ZNF91: variants seen among roughly 807,000 people sequenced by gnomAD.
ZNF91 encodes the protein zinc finger protein 91 (HPF7, HTF10).
Under a neutral mutation model 12.6 loss-of-function variants are expected in ZNF91, and 7 were observed. The observed-to-expected ratio is 0.55, with a 90% CI of 0.31 to 1.04. ZNF91 has a LOEUF of 1.04. Ranked by LOEUF, ZNF91 falls within the 50% of genes least tolerant of loss-of-function variation. The pLI is 0.05. For missense variants in ZNF91, 1,217 were observed against 1,385.4 expected, an observed-to-expected ratio of 0.88 and a Z score of 1.93; for synonymous variants, 453 against 462.6, an observed-to-expected ratio of 0.98 and a Z score of 0.27.
rs750976691 is a variant in ZNF91 at position 23,361,043 on chromosome 19, C to A, written c.1936G>T (p.Ala646Ser). 2 of 1,589,508 alleles carry A rather than the reference C, an allele frequency of 1.3e-6. No homozygotes were observed. The highest frequency in any genetic ancestry group is 1.7e-6 in the Non-Finnish European group (2 of 1,166,524). Residue 646 changes from alanine to serine, a missense_variant, in exon 4 of 4, where the codon GCT (alanine) becomes TCT (serine). This residue lies in a region of ZNF91 where 726 missense variants were observed against 895.5 expected (regional missense o/e 0.81). Transcript: ENST00000300619. ...GKAFSHSSALAKHKRIHTGEK... is the reference protein window; with the variant it reads ...GKAFSHSSALSKHKRIHTGEK... Reference sequence around the variant, plus strand: ...CCAGTATGAATTCTCTTATGTTTAGCAAGGGCTGAAGAATGGCTAAAAGCT... The same window carrying A: ...CCAGTATGAATTCTCTTATGTTTAGAAAGGGCTGAAGAATGGCTAAAAGCT...
upstream of ZNF91, among the ~76,000 whole-genome samples, chr19:23,313,119 G>A (rs1200016533): frequency 6.6e-6 from 1 of 152,224 alleles, no homozygotes; most frequent in African/African-American, 2.4e-5. Context: ...TATATGAGGT[G>A]TTAACTCACA....
intron 1 of ZNF91, among the ~76,000 whole-genome samples, chr19:23,309,983 C>A (rs1336419462): frequency 6.6e-6 from 1 of 152,164 alleles, no homozygotes; most frequent in Non-Finnish European, 1.5e-5. Flanking sequence ...TTGTGACATT[C>A]ATTTGTGAAT....
rs556749990 is a variant in ZNF91, at chr19:23,359,115, G to A, written c.*288C>T. 7 of 559,744 alleles carry A rather than the reference G, an allele frequency of 1.3e-5. No homozygotes were observed. The highest frequency in any genetic ancestry group is 7.5e-5 in the African/African-American group (4 of 52,994). The allele number at this position is 559,744 out of a possible 1,614,324, so 34.7% of individuals were successfully genotyped here. On this transcript the variant is annotated 3_prime_UTR_variant, in exon 4 of 4. Coordinates refer to ENST00000300619, the MANE Select transcript of ZNF91 (RefSeq NM_003430.4). ...AGGATTTGCCACATTCTTCACATTT[G>A]TAGAGTTTTACTCCAGTATGAATTA...
chr19:23,362,082 A>G lies in ZNF91; in HGVS notation c.897T>C (p.Cys299=). 6.2e-7 allele frequency: 1 copy of G among 1,614,066 alleles called. No individual in the cohort carries two copies. The highest frequency in any genetic ancestry group is 1.7e-4 in the Middle Eastern group (1 of 6,060). ...TTGAAGAATGGCTAAAAGCTTTGCC[A>G]CATTCTTCACATTTGTAGGGTTTCT... The part of the protein sequence containing the change: ...TGEKPYKCEE[C]GKAFSHSSTL... Residue 299 remains cysteine, a synonymous_variant, in exon 4 of 4, where the codon TGT becomes TGC. Coordinates refer to ENST00000300619, the MANE Select transcript of ZNF91 (RefSeq NM_003430.4).
Position 23,373,815 on chromosome 19 carries a change from G to A in ZNF91, c.180C>T (p.Asp60=), listed in dbSNP as rs1294045505. 1.2e-6 allele frequency: 2 copies of A among 1,609,944 alleles called. No homozygotes were observed. Among genetic ancestry groups the A allele is most frequent in the Non-Finnish European group, 1.7e-6 (2 of 1,177,882 alleles). ...AFLGIALSKP[D]LITYLEQGKE... ...TTCCTTGCTCCAGATAAGTAATCAG[G>A]TCTGGCTTAGAGAGAGCAATACCTG... Residue 60 remains aspartate, a synonymous_variant, in exon 3 of 4, where the codon GAC becomes GAT. Transcript: ENST00000300619.
downstream of ZNF91, chr19:23,338,190 ACAGACATC>A (rs1463331415): frequency 6.6e-5 from 10 of 152,184 alleles, no homozygotes; most frequent in Admixed American, 6.5e-4. Flanking sequence ...ATATTGCAAA[ACAGACATC>A]ATAATGGCAC....
At chr19:23,366,673 C>T (rs919844450) in intron 3 of ZNF91, among the ~76,000 whole-genome samples, 2 of 152,152 alleles carry the variant, frequency 1.3e-5, no homozygotes, top group African/African-American at 4.8e-5. Context: ...AGAGCAAGTA[C>T]GAGGTGAAGG....
Position 23,358,124 on chromosome 19 carries a change from G to A in ZNF91, c.*1279C>T, listed in dbSNP as rs2145043334. 6.6e-6 allele frequency: 1 copy of A among 152,122 alleles called. No individual in the cohort carries two copies. The highest frequency in any genetic ancestry group is 2.1e-4 in the South Asian group (1 of 4,804). 9.4% of individuals were successfully genotyped at this position (152,122 alleles called of 1,614,324 possible). ...TTTTACCTACACCCTTGAGTAAGGT[G>A]GAATAGGTTAAAGTTACTGGCATAA... On this transcript the variant is annotated 3_prime_UTR_variant, in exon 4 of 4. Transcript: ENST00000300619.
In ZNF91 at chr19:23,362,672, A is replaced by G. The variant is rs1968860586; in HGVS notation, c.307T>C (p.Ser103Pro). Residue 103 changes from serine to proline, a missense_variant, in exon 4 of 4, where the codon TCT (serine) becomes CCT (proline). This residue lies in a region of ZNF91 where 726 missense variants were observed against 895.5 expected (regional missense o/e 0.81). Coordinates refer to ENST00000300619, the MANE Select transcript of ZNF91 (RefSeq NM_003430.4). ...TTTCTCAGTAATACTTTTTGAAAAGAATCTTCCATGCTCTGCTCTGGCCAA... is the reference window on the plus strand; with the variant it reads ...TTTCTCAGTAATACTTTTTGAAAAGGATCTTCCATGCTCTGCTCTGGCCAA... ...DFWPEQSMED[S>P]FQKVLLRKYE... 2.6e-6 allele frequency: 4 copies of G among 1,547,452 alleles called. No individual in the cohort carries two copies. The highest frequency in any genetic ancestry group is 1.4e-5 in the African/African-American group (1 of 72,496).
intron 3 of ZNF91, among the ~76,000 whole-genome samples, chr19:23,364,129 G>A (rs1304698673): frequency 2.0e-5 from 3 of 152,200 alleles, no homozygotes; most frequent in African/African-American, 7.2e-5. Flanking sequence ...GGCCAGCCTG[G>A]CCAACATGGT....
At chr19:23,364,607 AATAAT>A (rs1318155245) in intron 3 of ZNF91, among the ~76,000 whole-genome samples, 1 of 152,128 alleles carries the variant, frequency 6.6e-6, no homozygotes, top group Non-Finnish European at 1.5e-5. Context: ...AAGTAAAAAT[AATAAT>A]AACTAAAAGT....
chr19:23,359,459 G>A lies in ZNF91; in HGVS notation c.3520C>T (p.Arg1174Ter), dbSNP rs1032242591. ...AGGATGGTCTCCATCTCCTGACCTC[G>A]TGATCCGCCCGCCTCGGCCTCCCAA... ...LLWEAEAGGS[R>*]GQEMETILAN... The change falls in exon 4 of 4, where the codon CGA (arginine) becomes TGA (stop). Residue 1174 changes from arginine to a stop codon, truncating the protein, a stop_gained. Transcript: ENST00000300619. LOFTEE classifies it low-confidence loss of function (END_TRUNC). 17 of 1,552,566 alleles carry A rather than the reference G, an allele frequency of 1.1e-5. No individual in the cohort carries two copies. In the Admixed American group the frequency reaches 1.7e-4, roughly 15 times the overall value.
intron 1 of ZNF91, among the ~76,000 whole-genome samples, chr19:23,318,978 T>C (rs1967627684): frequency 6.6e-6 from 1 of 152,214 alleles, no homozygotes; most frequent in Non-Finnish European, 1.5e-5. Flanking sequence ...AGGGCTGGGC[T>C]CATCTGTCTA....
At chr19:23,365,070 T>C (rs1172174323) in intron 3 of ZNF91, among the ~76,000 whole-genome samples, 2 of 151,938 alleles carry the variant, frequency 1.3e-5, no homozygotes, top group African/African-American at 2.4e-5. Flanking sequence ...TCAACTAGAT[T>C]AACATATTCA....
intron 1 of ZNF91, among the ~76,000 whole-genome samples, chr19:23,395,104 C>A (rs1970188770): frequency 6.6e-6 from 1 of 152,160 alleles, no homozygotes; most frequent in Admixed American, 6.5e-5. Flanking sequence ...CAGGCCAGGA[C>A]ACAGTCACTG....
chr19:23,361,581 T>G lies in ZNF91; in HGVS notation c.1398A>C (p.Glu466Asp), dbSNP rs535476420. 243 of 1,613,846 alleles carry G rather than the reference T, an allele frequency of 1.5e-4. 4 individuals carry two copies. The South Asian group carries it at 2.5e-3, about 17-fold the overall frequency. ...AAGACCATATAAATGCTTTGCCACA[T>G]TCTTTACATTTGAAGGGTTTCTCTC... ...HTREKPFKCK[E>D]CGKAFIWSST... The change falls in exon 4 of 4, where the codon GAA becomes GAC. Residue 466 changes from glutamate (E) to aspartate (D), a missense_variant. Around this residue, in one of 2 missense-constraint regions of ZNF91, gnomAD observed 726 missense variants for 895.5 expected, o/e 0.81. Coordinates refer to ENST00000300619, the MANE Select transcript of ZNF91 (RefSeq NM_003430.4).
At chr19:23,366,629 GAA>G (rs1969025406) in intron 3 of ZNF91, among the ~76,000 whole-genome samples, 2 of 152,194 alleles carry the variant, frequency 1.3e-5, no homozygotes, top group Admixed American at 1.3e-4. Context: ...GGTTGAAGGC[GAA>G]GATTAACTGT....
chr19:23,373,346 T>TTATATATATATATATA (rs200251921), intron 3 of ZNF91, among the ~76,000 whole-genome samples: 24 of 85,784 alleles, frequency 2.8e-4, no homozygotes, highest in African/African-American at 6.6e-4. Flanking sequence ...TCATGTAATC[T>TTATATATATATATATA]TATATATATA....
intron 1 of ZNF91, among the ~76,000 whole-genome samples, chr19:23,390,161 G>A (rs557590092): frequency 1.8e-4 from 27 of 152,156 alleles, no homozygotes; most frequent in Non-Finnish European, 3.7e-4. Context: ...TAGTAAAAAT[G>A]CAAAATTAGC....
Sources: gnomAD v4.1 joint callset for allele counts (sites outside exome capture counted in the v4.1 genomes callset) on GRCh38, gnomAD v4.1.1 for gene constraint, gnomAD v4.1.1 regional missense constraint, MANE v1.5 for transcripts, NCBI Gene and HGNC (gene_info 2026-07-23, HGNC 2026-07-21) for gene names.